ZNF286A: variants seen among roughly 807,000 people sequenced by gnomAD.
ZNF286A encodes zinc finger protein 286A, also known as zinc finger protein ZNF286.
Under a neutral mutation model 49.3 loss-of-function variants are expected in ZNF286A, and 34 were observed. The observed-to-expected ratio is 0.69, with a 90% CI of 0.52 to 0.92. ZNF286A has a LOEUF of 0.92. ZNF286A is among the 40% of genes least tolerant of loss of function. The pLI is 0.00. For missense variants in ZNF286A, 462 were observed against 600.2 expected (o/e 0.77, Z 2.41); for synonymous variants, 155 against 200.4 (o/e 0.77, Z 1.91).
At chr17:15,701,356 T>C (rs1989763195) in intron 3 of ZNF286A, 116 bp downstream of exon 3, 2 of 854,528 alleles carry the variant, frequency 2.3e-6, no homozygotes, top group Non-Finnish European at 3.6e-6. Flanking sequence ...AGCTGAGTTC[T>C]AAATCTAAGA....
intron 3 of ZNF286A, among the ~76,000 whole-genome samples, 165 bp from the exon 4 acceptor site, chr17:15,706,222 C>A (rs1247520471): frequency 6.6e-6 from 1 of 152,188 alleles, no homozygotes; most frequent in Admixed American, 6.5e-5. Context: ...TTACCCTTTA[C>A]ATAAAATACT....
At chr17:15,712,028 C>T (rs1029027930) in intron 5 of ZNF286A, among the ~76,000 whole-genome samples, 2 of 151,996 alleles carry the variant, frequency 1.3e-5, no homozygotes, top group Non-Finnish European at 2.9e-5. Flanking sequence ...CCCGCCACCA[C>T]ACCCGGCTAA....
At chr17:15,704,462 G>A in intron 3 of ZNF286A, 6 of 1,612,320 alleles carry the variant, frequency 3.7e-6, no homozygotes, top group East Asian at 2.2e-5. Flanking sequence ...AGACGGGCCC[G>A]AGCCGCATAC....
intron 5 of ZNF286A, among the ~76,000 whole-genome samples, chr17:15,714,795 GA>G (rs145767949): frequency 0.33 from 50,490 of 151,692 alleles, 8,527 homozygotes; most frequent in South Asian, 0.43. Context: ...AATATTTGTT[GA>G]AAAAAATGGA....
rs1967196777 is a variant in ZNF286A, at chr17:15,718,447, C to G, written c.*1157C>G. The G allele has an allele frequency of 6.8e-6, 1 of 148,044 alleles. No homozygotes were observed. The highest frequency in any genetic ancestry group is 1.5e-5 in the Non-Finnish European group (1 of 67,352). 9.2% of individuals were successfully genotyped at this position (148,044 alleles called of 1,614,324 possible). On this transcript the variant is annotated 3_prime_UTR_variant, in exon 6 of 6. Coordinates refer to ENST00000583566, the MANE Select transcript of ZNF286A (RefSeq NM_001130842.2). ...GACTTCTTTTGTCTACATTATTCAGCTTTCTGAAAGCTATGCTGTGTCCAT... is the reference window on the plus strand; with the variant it reads ...GACTTCTTTTGTCTACATTATTCAGGTTTCTGAAAGCTATGCTGTGTCCAT...
At position 15,716,111 on chromosome 17, in the gene ZNF286A, C is replaced by T. The variant is rs1408449242; in HGVS notation, c.387C>T (p.Ser129=). 1.2e-6 allele frequency: 2 copies of T among 1,613,696 alleles called. No individual in the cohort carries two copies. Among genetic ancestry groups the T allele is most frequent in the African/African-American group, 2.7e-5 (2 of 74,902 alleles). ...SKDSTSVQDF[S]KAESCKVAII... ...ATTCAACTTCAGTGCAAGATTTTTC[C>T]AAAGCAGAATCATGCAAAGTTGCAA... The change falls in exon 6 of 6, where the codon TCC becomes TCT. Residue 129 remains serine (S), a synonymous_variant. Transcript: ENST00000583566.
intron 3 of ZNF286A, among the ~76,000 whole-genome samples, chr17:15,703,503 A>G (rs552984877): frequency 2.0e-5 from 3 of 151,966 alleles, no homozygotes; most frequent in African/African-American, 7.2e-5. Context: ...AATAAAGTGA[A>G]CAACACAGAC....
chr17:15,704,272 T>C (rs1990022135), intron 3 of ZNF286A: 1 of 1,607,626 alleles, frequency 6.2e-7, no homozygotes, highest in African/African-American at 1.3e-5. Flanking sequence ...CGTCTTTTTC[T>C]TGGCCGCCAG....
chr17:15,708,273 A>G (rs1307413150), intron 5 of ZNF286A, 26 bp downstream of exon 5: 2 of 1,538,740 alleles, frequency 1.3e-6, no homozygotes, highest in Non-Finnish European at 1.8e-6. Context: ...GGGAGTCTTC[A>G]TAAATGATAG....
chr17:15,704,949 T>C (rs1990104256), intron 3 of ZNF286A: 16 of 1,491,030 alleles, frequency 1.1e-5, no homozygotes, highest in Non-Finnish European at 1.4e-5. Context: ...TCCTGCGTTC[T>C]TCGGTCCGCC....
At chr17:15,713,506 A>G (rs972611873) in intron 5 of ZNF286A, among the ~76,000 whole-genome samples, 1 of 152,186 alleles carries the variant, frequency 6.6e-6, no homozygotes, top group African/African-American at 2.4e-5. Flanking sequence ...GGAGTATTTT[A>G]TAGTCTTTTC....
In ZNF286A at chr17:15,701,212, C is replaced by T. The variant is rs370194738; in HGVS notation, c.98C>T (p.Ala33Val). The T allele has an allele frequency of 2.5e-6, 4 of 1,614,126 alleles. No homozygotes were observed. The highest frequency in any genetic ancestry group is 3.4e-6 in the Non-Finnish European group (4 of 1,180,034). Residue 33 changes from alanine (A) to valine (V), a missense_variant, in exon 3 of 6, where the codon GCT (alanine) becomes GTT (valine). By Grantham distance (64) the Ala-to-Val change is moderately conservative. Coordinates refer to ENST00000583566, the MANE Select transcript of ZNF286A (RefSeq NM_001130842.2). ...AAGAGCACAGAAGAGGGAGAAGTGG[C>T]TGCTCTGCGCCTCACGGCCAGATCC... Reference protein sequence around the residue: ...QEKSTEEGEVAALRLTARSQE... With the variant: ...QEKSTEEGEVVALRLTARSQE...
At chr17:15,714,782 A>G (rs1966942636) in intron 5 of ZNF286A, among the ~76,000 whole-genome samples, 1 of 138,324 alleles carries the variant, frequency 7.2e-6, no homozygotes, top group Admixed American at 7.4e-5. Context: ...AGGATATTCT[A>G]TAAATATTTG....
In ZNF286A at chr17:15,706,224, T is replaced by A. The variant is rs186897464; in HGVS notation, c.127-163T>A. The stretch of plus-strand genomic sequence containing the variant: ...ACATAATTGATAGTTACCCTTTACA[T>A]AAAATACTCCGAATCTGACGACCAT... On this transcript the variant is annotated intron_variant, in intron 3 of 5. Coordinates refer to ENST00000583566, the MANE Select transcript of ZNF286A (RefSeq NM_001130842.2). Among the ~76,000 whole-genome samples the A allele has an allele frequency of 4.8e-3, 737 of 152,306 alleles. 7 individuals carry two copies. Among genetic ancestry groups the A allele is most frequent in the African/African-American group, 0.017 (691 of 41,560 alleles).
intron 3 of ZNF286A, among the ~76,000 whole-genome samples, chr17:15,701,677 A>G (rs1989785315): frequency 6.6e-6 from 1 of 152,266 alleles, no homozygotes; most frequent in Non-Finnish European, 1.5e-5. Context: ...GTTCAAAGAA[A>G]TACTGGAAAA....
chr17:15,699,999 G>A (rs1459709757), intron 1 of ZNF286A, 136 bp from the exon 2 acceptor site: 3 of 603,458 alleles, frequency 5.0e-6, no homozygotes, highest in Admixed American at 5.9e-5. Flanking sequence ...TGCCCCGAGC[G>A]CGGCAGAATT....
At chr17:15,706,245 A>T in intron 3 of ZNF286A, 142 bp from the exon 4 acceptor site, 1 of 639,364 alleles carries the variant, frequency 1.6e-6, no homozygotes, top group Non-Finnish European at 2.8e-6. Context: ...GAATCTGACG[A>T]CCATTAGAAT....
intron 3 of ZNF286A, 58 bp from the exon 4 acceptor site, chr17:15,706,329 G>A (rs1990223187): frequency 2.1e-6 from 3 of 1,435,568 alleles, no homozygotes; most frequent in South Asian, 2.3e-5. Context: ...GCAGAAACTG[G>A]GGGATGAAAG....
intron 3 of ZNF286A, among the ~76,000 whole-genome samples, chr17:15,705,348 TCTG>T (rs1990151014): frequency 6.6e-6 from 1 of 152,190 alleles, no homozygotes. Context: ...TTTTAAAATT[TCTG>T]CTTTTATATT....
Sources: allele counts gnomAD v4.1 joint callset (sites outside exome capture counted in the v4.1 genomes callset), GRCh38; gene constraint gnomAD v4.1.1; transcripts MANE v1.5; gene names NCBI Gene and HGNC (gene_info 2026-07-23, HGNC 2026-07-21).